Variants in RAB11FIP2 observed in about 807,000 individuals in gnomAD.
RAB11FIP2 encodes rab11 family-interacting protein 2.
In RAB11FIP2, 16 loss-of-function variants were observed where a neutral mutation model predicts 40.9. The ratio of observed to expected loss-of-function variants is 0.39; its 90% CI spans 0.26 to 0.59. The LOEUF is 0.59. RAB11FIP2 is among the 20% of genes least tolerant of loss of function. The probability of loss-of-function intolerance (pLI) is 0.53; values close to 1 mark genes in which losing one functional copy is unlikely to be tolerated. For synonymous variants in RAB11FIP2, 228 were observed against 213.7 expected, an observed-to-expected ratio of 1.07 and a Z score of -0.58; for missense variants, 532 against 606.2, an observed-to-expected ratio of 0.88 and a Z score of 1.28.
chr10:118,039,203 A>G lies in RAB11FIP2; in HGVS notation c.1034T>C (p.Ile345Thr), dbSNP rs909938482. The G allele has an allele frequency of 6.2e-7, 1 of 1,613,190 alleles. No homozygotes were observed. The highest frequency in any genetic ancestry group is 1.7e-5 in the Admixed American group (1 of 59,902). ...SMNLFSKPIEIRKENKREKRE... is the reference protein window; with the variant it reads ...SMNLFSKPIETRKENKREKRE... ...TTTCTCTCTTTTATTTTCTTTTCTTATTTCAATTGGTTTTGAAAATAAATT... is the reference window on the plus strand; with the variant it reads ...TTTCTCTCTTTTATTTTCTTTTCTTGTTTCAATTGGTTTTGAAAATAAATT... Residue 345 changes from isoleucine to threonine, a missense_variant, in exon 3 of 5, where the codon ATA becomes ACA. Coordinates refer to ENST00000355624, the MANE Select transcript of RAB11FIP2 (RefSeq NM_014904.3).
chr10:118,008,933 TTTCC>T lies in RAB11FIP2; in HGVS notation c.*61_*64del, dbSNP rs1253963312. On this transcript the variant is annotated 3_prime_UTR_variant, in exon 5 of 5. Coordinates refer to ENST00000355624, the MANE Select transcript of RAB11FIP2 (RefSeq NM_014904.3). ...GTGTAGTCTCTTTCAGTAACAAGTT[TTTCC>T]TTCCTTCCTTCTTTCTTTCTCTCTC... The T allele has an allele frequency of 1.3e-5, 18 of 1,345,944 alleles. No homozygotes were observed. Among genetic ancestry groups the T allele is most frequent in the Admixed American group, 1.9e-5 (1 of 53,562 alleles). The allele number at this position is 1,345,944 out of a possible 1,614,324, so 83.4% of individuals were successfully genotyped here.
In RAB11FIP2 at chr10:118,022,431, A is replaced by G. The variant is rs752984741; in HGVS notation, c.1266-7321T>C. ...TTTGACCTCTAACCTCCTCCTGAAT[A>G]ATGACAAAATTTCTTAGACTGGCTT... On this transcript the variant is annotated intron_variant, in intron 3 of 4. Coordinates refer to ENST00000355624, the MANE Select transcript of RAB11FIP2 (RefSeq NM_014904.3). 7.2e-5 allele frequency among the ~76,000 whole-genome samples: 11 copies of G among 152,140 alleles called. No homozygotes were observed. The East Asian group carries it at 1.7e-3, about 24-fold the overall frequency.
At chr10:118,026,751 G>A (rs949295897) in intron 3 of RAB11FIP2, among the ~76,000 whole-genome samples, 1 of 152,140 alleles carries the variant, frequency 6.6e-6, no homozygotes, top group Non-Finnish European at 1.5e-5. Context: ...AAGAATTTCT[G>A]AACATAAGAC....
In RAB11FIP2 at chr10:118,032,464, ATC is replaced by A. The variant is rs539651926; in HGVS notation, c.1265+6506_1265+6507del. On this transcript the variant is annotated intron_variant, in intron 3 of 4. Transcript: ENST00000355624. ...CATATCTTTTACTCCTTTCCACCAT[ATC>A]TCTGTTTTAGCCAAGCTAACTTCCT... Among the ~76,000 whole-genome samples the A allele has an allele frequency of 9.4e-3, 1,424 of 151,866 alleles. 9 individuals are homozygous for A. Among genetic ancestry groups the A allele is most frequent in the Middle Eastern group, 0.017 (5 of 294 alleles).
chr10:118,029,549 G>A (rs1022016221), intron 3 of RAB11FIP2, among the ~76,000 whole-genome samples: 1 of 151,978 alleles, frequency 6.6e-6, no homozygotes, highest in Non-Finnish European at 1.5e-5. Flanking sequence ...CTTTTTCTAT[G>A]AGCACAAAGA....
rs190133393 is a variant in RAB11FIP2, at chr10:118,026,738, T to C, written c.1266-11628A>G. Among the ~76,000 whole-genome samples the C allele has an allele frequency of 2.4e-4, 37 of 152,324 alleles. No homozygotes were observed. The East Asian group carries it at 6.6e-3, about 27-fold the overall frequency. On this transcript the variant is annotated intron_variant, in intron 3 of 4. Transcript: ENST00000355624. ...TCCTGCAATATCCTTATTAGTACTA[T>C]GAAAGAATTTCTGAACATAAGACTT...
At chr10:118,029,601 C>T (rs970165880) in intron 3 of RAB11FIP2, among the ~76,000 whole-genome samples, 4 of 151,942 alleles carry the variant, frequency 2.6e-5, no homozygotes, top group African/African-American at 9.7e-5. Flanking sequence ...TTATATACAG[C>T]AAATATTCCA....
intron 4 of RAB11FIP2, 47 bp from the exon 5 acceptor site, chr10:118,009,272 A>G (rs1056166606): frequency 1.7e-5 from 25 of 1,497,750 alleles, no homozygotes; most frequent in Admixed American, 9.8e-5. Flanking sequence ...AACATCTGGG[A>G]CAAACATTAA....
rs755469704 is a variant in RAB11FIP2, at chr10:118,046,207, G to A, written c.-44C>T. The A allele has an allele frequency of 2.6e-6, 4 of 1,528,742 alleles. No homozygotes were observed. The highest frequency in any genetic ancestry group is 3.6e-6 in the Non-Finnish European group (4 of 1,112,418). The allele number at this position is 1,528,742 out of a possible 1,614,324, so 94.7% of individuals were successfully genotyped here. On this transcript the variant is annotated 5_prime_UTR_variant, in exon 1 of 5. Coordinates refer to ENST00000355624, the MANE Select transcript of RAB11FIP2 (RefSeq NM_014904.3). ...CCCCGAGTTCCCTAGCACAGGCAGT[G>A]CCCCTCCCGGAGGGAGAGCCTAATT...
At chr10:118,009,868 T>G (rs1846135346) in intron 4 of RAB11FIP2, among the ~76,000 whole-genome samples, 1 of 152,136 alleles carries the variant, frequency 6.6e-6, no homozygotes, top group Admixed American at 6.5e-5. Flanking sequence ...AATATCTAAT[T>G]TATCTTCTTT....
chr10:118,045,847 T>G lies in RAB11FIP2; in HGVS notation c.317A>C (p.Asn106Thr). The change falls in exon 1 of 5, where the codon AAT (asparagine) becomes ACT (threonine). Residue 106 changes from asparagine (N) to threonine (T), a missense_variant. Transcript: ENST00000355624. ...KFLGQVAINL[N>T]DIFEDKQRRK... ...TCTTTGTTTGTCCTCAAAGATGTCATTGAGATTGATTGCCACCTGCCCTAA... is the reference window on the plus strand; with the variant it reads ...TCTTTGTTTGTCCTCAAAGATGTCAGTGAGATTGATTGCCACCTGCCCTAA... 6.2e-7 allele frequency: 1 copy of G among 1,613,160 alleles called. No individual in the cohort carries two copies. Among genetic ancestry groups the G allele is most frequent in the Non-Finnish European group, 8.5e-7 (1 of 1,179,418 alleles).
At chr10:118,010,504 T>C (rs182857312) in intron 4 of RAB11FIP2, among the ~76,000 whole-genome samples, 2 of 152,124 alleles carry the variant, frequency 1.3e-5, no homozygotes, top group Admixed American at 1.3e-4. Context: ...TTTGGGGGTG[T>C]TCATGAGAAA....
At chr10:118,023,857 G>A (rs750168748) in intron 3 of RAB11FIP2, among the ~76,000 whole-genome samples, 1 of 152,118 alleles carries the variant, frequency 6.6e-6, no homozygotes, top group Non-Finnish European at 1.5e-5. Context: ...TCTGGGAGGA[G>A]GCAGGCGGAT....
rs1846639500 is a variant in RAB11FIP2 at position 118,046,425 on chromosome 10, C to A, written c.-262G>T. On this transcript the variant is annotated 5_prime_UTR_variant, in exon 1 of 5. Transcript: ENST00000355624. Reference sequence around the variant, plus strand: ...CGCGCCGTGCAGGCCTCTGCGCGGACCCCCGCCCCTGTCTCCACCTTCCCC... The same window carrying A: ...CGCGCCGTGCAGGCCTCTGCGCGGAACCCCGCCCCTGTCTCCACCTTCCCC... 2 of 436,504 alleles carry A rather than the reference C, an allele frequency of 4.6e-6. No individual in the cohort carries two copies. Among genetic ancestry groups the A allele is most frequent in the Non-Finnish European group, 8.2e-6 (2 of 244,392 alleles). The allele number at this position is 436,504 out of a possible 1,614,324, so 27.0% of individuals were successfully genotyped here. A position where few individuals can be genotyped will look rare whatever the true frequency, so the allele number is the denominator to read the frequency against.
At chr10:118,024,852 G>A (rs1002212617) in intron 3 of RAB11FIP2, among the ~76,000 whole-genome samples, 3 of 152,114 alleles carry the variant, frequency 2.0e-5, no homozygotes, top group African/African-American at 7.2e-5. Context: ...CTGGTTACCA[G>A]GAAGGCCTCA....
chr10:118,014,302 G>A (rs965444038), intron 4 of RAB11FIP2, among the ~76,000 whole-genome samples: 11 of 152,116 alleles, frequency 7.2e-5, no homozygotes, highest in African/African-American at 2.7e-4. Flanking sequence ...GCAACCACCA[G>A]TGTCTTGGAA....
At chr10:118,010,329 CTAAAA>C (rs1255460170) in intron 4 of RAB11FIP2, among the ~76,000 whole-genome samples, 3 of 152,054 alleles carry the variant, frequency 2.0e-5, no homozygotes, top group African/African-American at 7.2e-5. Flanking sequence ...GGAAACTTAA[CTAAAA>C]TATTGAGGAA....
chr10:118,017,260 AG>A (rs1306453991), intron 3 of RAB11FIP2, among the ~76,000 whole-genome samples: 1 of 152,194 alleles, frequency 6.6e-6, no homozygotes, highest in East Asian at 1.9e-4. Context: ...GCACTGCGGA[AG>A]CCCTGAACAT....
rs1158142578 is a variant in RAB11FIP2, at chr10:118,005,184, C to T, written c.*3814G>A. 1.3e-5 allele frequency: 2 copies of T among 152,496 alleles called. No homozygotes were observed. Among genetic ancestry groups the T allele is most frequent in the Non-Finnish European group, 2.9e-5 (2 of 68,010 alleles). 9.4% of individuals were successfully genotyped at this position (152,496 alleles called of 1,614,324 possible). On this transcript the variant is annotated 3_prime_UTR_variant, in exon 5 of 5. Coordinates refer to ENST00000355624, the MANE Select transcript of RAB11FIP2 (RefSeq NM_014904.3). ...TCTAGATCTGCAGCATTTTTTTGTA[C>T]CTCAAAACACAAACCATCTGGAAGC...
Sources: allele counts gnomAD v4.1 joint callset (sites outside exome capture counted in the v4.1 genomes callset), GRCh38; gene constraint gnomAD v4.1.1; transcripts MANE v1.5; gene names NCBI Gene and HGNC (gene_info 2026-07-23, HGNC 2026-07-21).